Variants in ATP2B4 observed in about 807,000 individuals in gnomAD.
ATP2B4 encodes the protein ATPase plasma membrane Ca2+ transporting 4.
A neutral mutation model predicts 110.3 loss-of-function variants in ATP2B4; 39 were observed. The observed-to-expected ratio is 0.35, with a 90% CI of 0.27 to 0.46. The LOEUF is 0.46. ATP2B4 is among the 20% of genes least tolerant of loss of function. The pLI is 1.00. For missense variants in ATP2B4, 1,135 were observed against 1,530.9 expected (o/e 0.74, Z 4.32); for synonymous variants, 538 against 571.7 (o/e 0.94, Z 0.84).
intron 1 of ATP2B4, among the ~76,000 whole-genome samples, chr1:203,634,807 G>C (rs1663388733): frequency 6.6e-6 from 1 of 151,772 alleles, no homozygotes; most frequent in African/African-American, 2.4e-5. Flanking sequence ...AGGACTACAG[G>C]CGCATGCTAT....
At chr1:203,711,160 C>T in intron 12 of ATP2B4, 52 bp downstream of exon 12, 2 of 1,563,520 alleles carry the variant, frequency 1.3e-6, no homozygotes, top group Non-Finnish European at 1.8e-6. Flanking sequence ...GTACTAGTTC[C>T]CTTTCTAGTT....
At chr1:203,734,273 C>T (rs528040367) in intron 20 of ATP2B4, among the ~76,000 whole-genome samples, 52 of 151,022 alleles carry the variant, frequency 3.4e-4, no homozygotes, top group African/African-American at 1.2e-3. Context: ...CACTGCACTC[C>T]ACCCTGGGCG....
chr1:203,646,492 A>G (rs941231592), intron 1 of ATP2B4, among the ~76,000 whole-genome samples: 1 of 152,196 alleles, frequency 6.6e-6, no homozygotes. Context: ...GACCAGGCAC[A>G]GTGGCTCACG....
chr1:203,629,387 T>C lies in ATP2B4; in HGVS notation c.-465+2168T>C, dbSNP rs2102288996. 6.6e-6 allele frequency among the ~76,000 whole-genome samples: 1 copy of C among 152,316 alleles called. No individual in the cohort carries two copies. The highest frequency in any genetic ancestry group is 1.5e-5 in the Non-Finnish European group (1 of 68,022). On this transcript the variant is annotated intron_variant, in intron 1 of 20. Transcript: ENST00000357681. This position sits in a 1 kb window ranked among gnomAD's most constrained non-coding sequence, Gnocchi z 4.6. The stretch of plus-strand genomic sequence containing the variant: ...CGCCGCGGCCTCCCATCGTGGAGGC[T>C]CAGAGTGCAGCTATTCCTGCAGCCG...
intron 1 of ATP2B4, among the ~76,000 whole-genome samples, chr1:203,673,162 C>A (rs1664725137): frequency 6.6e-6 from 1 of 152,196 alleles, no homozygotes; most frequent in Non-Finnish European, 1.5e-5. Context: ...GGTCCCCAGA[C>A]CAGATGCATC....
At chr1:203,671,096 T>C (rs1358163560) in intron 1 of ATP2B4, among the ~76,000 whole-genome samples, 2 of 152,144 alleles carry the variant, frequency 1.3e-5, no homozygotes, top group Non-Finnish European at 2.9e-5. Context: ...TGGAATAAGG[T>C]GGGGAGAAGG....
At chr1:203,728,448 A>T in intron 20 of ATP2B4, 1 of 238,014 alleles carries the variant, frequency 4.2e-6, no homozygotes, top group Non-Finnish European at 8.5e-6. Context: ...AACACTGTAA[A>T]TTCCAAGATC....
At chr1:203,729,754 C>A (rs1280050649) in intron 20 of ATP2B4, 1 of 1,347,578 alleles carries the variant, frequency 7.4e-7, no homozygotes, top group Non-Finnish European at 9.9e-7. Context: ...GCCTCACATC[C>A]AATTGGGCAG....
chr1:203,657,253 G>A, intron 1 of ATP2B4: 1 of 714,600 alleles, frequency 1.4e-6, no homozygotes, highest in Non-Finnish European at 2.5e-6. Context: ...TCTTATTTAG[G>A]TGGTTTTCTT....
chr1:203,699,588 G>C lies in ATP2B4; in HGVS notation c.520G>C (p.Glu174Gln). 1 of 1,614,212 alleles carries C rather than the reference G, an allele frequency of 6.2e-7. No homozygotes were observed. Among genetic ancestry groups the C allele is most frequent in the Non-Finnish European group, 8.5e-7 (1 of 1,180,046 alleles). The change falls in exon 4 of 21, where the codon GAG becomes CAG. Residue 174 changes from glutamate (E) to glutamine (Q), a missense_variant. This residue lies in a region of ATP2B4 where 101 missense variants were observed against 182.6 expected (regional missense o/e 0.55). Coordinates refer to ENST00000357681, the MANE Select transcript of ATP2B4 (RefSeq NM_001684.5). ...LVTAFNDWSK[E>Q]KQFRGLQCRI... ...GACTGCCTTTAATGATTGGAGCAAA[G>C]AGAAGCAATTCCGGGGGCTGCAGTG...
chr1:203,636,137 C>G (rs536384214), intron 1 of ATP2B4, among the ~76,000 whole-genome samples: 1 of 152,222 alleles, frequency 6.6e-6, no homozygotes, highest in East Asian at 1.9e-4. Context: ...CACCAAACAG[C>G]CCAGAGATTG....
intron 2 of ATP2B4, among the ~76,000 whole-genome samples, chr1:203,690,622 A>G (rs1269442233): frequency 6.6e-6 from 1 of 152,088 alleles, no homozygotes; most frequent in Non-Finnish European, 1.5e-5. Flanking sequence ...CTGGAATATC[A>G]ATTTTTAGGA....
intron 20 of ATP2B4, chr1:203,728,220 T>C (rs964741245): frequency 2.1e-6 from 1 of 470,022 alleles, no homozygotes; most frequent in Non-Finnish European, 4.4e-6. Context: ...CCTCTTCCCT[T>C]CTTGCAATTT....
intron 1 of ATP2B4, among the ~76,000 whole-genome samples, chr1:203,662,263 T>C (rs1315505743): frequency 6.6e-6 from 1 of 152,200 alleles, no homozygotes; most frequent in Non-Finnish European, 1.5e-5. Flanking sequence ...CCGGACCTCA[T>C]GATCCACCCG....
chr1:203,633,355 G>A (rs1370573283), intron 1 of ATP2B4, among the ~76,000 whole-genome samples: 1 of 152,170 alleles, frequency 6.6e-6, no homozygotes, highest in African/African-American at 2.4e-5. Context: ...ACCACACTGG[G>A]AGGCCAGGGC....
At chr1:203,704,419 A>G (rs1350732404) in intron 8 of ATP2B4, among the ~76,000 whole-genome samples, 1 of 151,220 alleles carries the variant, frequency 6.6e-6, no homozygotes, top group Non-Finnish European at 1.5e-5. Flanking sequence ...AGTGGGAAGA[A>G]GAAATAGAAG....
chr1:203,650,853 C>A (rs572478070), intron 1 of ATP2B4, among the ~76,000 whole-genome samples: 55 of 152,338 alleles, frequency 3.6e-4, no homozygotes, highest in Middle Eastern at 3.4e-3. Flanking sequence ...TCTACCACCA[C>A]CAAAAGGCCA....
rs1666399235 is a variant in ATP2B4 at position 203,723,420 on chromosome 1, A to ATCTCTCTTTC, written c.3025-454_3025-453insTTCTCTCTCT. Among the ~76,000 whole-genome samples, 32 of 44,538 alleles carry ATCTCTCTTTC rather than the reference A, an allele frequency of 7.2e-4. 3 individuals are homozygous for ATCTCTCTTTC. 29.2% of individuals were successfully genotyped at this position (44,538 alleles called of 152,430 possible). A position where few individuals can be genotyped will look rare whatever the true frequency, so the allele number is the denominator to read the frequency against. ...TTTTTTTTTTTCGTTTGAGACAGATATCTCTCTCTCTCTCTCTCTCTCTCT... is the reference window on the plus strand; with the variant it reads ...TTTTTTTTTTTCGTTTGAGACAGATATCTCTCTTTCTCTCTCTCTCTCTCTCTCTCTCTCT... On this transcript the variant is annotated intron_variant, in intron 18 of 20. Coordinates refer to ENST00000357681, the MANE Select transcript of ATP2B4 (RefSeq NM_001684.5).
chr1:203,657,461 T>C (rs910046680), intron 1 of ATP2B4: 3 of 784,758 alleles, frequency 3.8e-6, no homozygotes, highest in African/African-American at 1.7e-5. Flanking sequence ...CTCGAGATTG[T>C]CCCTCTCTGT....
Sources: gnomAD v4.1 joint callset for allele counts (sites outside exome capture counted in the v4.1 genomes callset) on GRCh38, gnomAD v4.1.1 for gene constraint, gnomAD v4.1.1 regional missense constraint, Gnocchi (gnomAD v3.1) non-coding constraint, MANE v1.5 for transcripts, NCBI Gene and HGNC (gene_info 2026-07-23, HGNC 2026-07-21) for gene names.